GPC6: variants seen among roughly 807,000 people sequenced by gnomAD.
The protein encoded by GPC6 is glypican-6.
In GPC6, 14 loss-of-function variants were observed where a neutral mutation model predicts 55.2. That is an observed-to-expected ratio of 0.25 (90% confidence interval 0.17 to 0.40). GPC6 has a LOEUF of 0.40. GPC6 is among the 10% of genes least tolerant of loss of function. The pLI is 1.00. For missense variants in GPC6, 641 were observed against 708.5 expected (o/e 0.90, Z 1.08); for synonymous variants, 278 against 259.6 (o/e 1.07, Z -0.68).
At chr13:93,986,432 A>G (rs985223606) in intron 3 of GPC6, among the ~76,000 whole-genome samples, 2 of 152,324 alleles carry the variant, frequency 1.3e-5, no homozygotes, top group Middle Eastern at 3.4e-3. Flanking sequence ...AAGCAGGGTC[A>G]ATGCAACCCT....
At chr13:94,048,646 G>A (rs551614697) in intron 4 of GPC6, among the ~76,000 whole-genome samples, 14 of 152,016 alleles carry the variant, frequency 9.2e-5, no homozygotes, top group South Asian at 2.1e-4. Context: ...TCCTACATTC[G>A]GGGACCTCAG....
At chr13:93,876,155 A>T (rs1369594058) in intron 3 of GPC6, among the ~76,000 whole-genome samples, 2 of 151,902 alleles carry the variant, frequency 1.3e-5, no homozygotes, top group Non-Finnish European at 2.9e-5. Flanking sequence ...TCTAAAAAGC[A>T]CCTATTTGCA....
intron 4 of GPC6, among the ~76,000 whole-genome samples, chr13:94,270,809 A>G (rs76848317): frequency 0.013 from 1,963 of 152,204 alleles, 32 homozygotes; most frequent in African/African-American, 0.045. Flanking sequence ...CTACTTTTCC[A>G]TGGGAAGTTC....
chr13:94,256,149 T>A (rs1321248718), intron 4 of GPC6, among the ~76,000 whole-genome samples: 2 of 152,178 alleles, frequency 1.3e-5, no homozygotes, highest in Non-Finnish European at 2.9e-5. Context: ...GGATTTTGGA[T>A]CTCAGACATA....
chr13:94,077,285 T>G (rs114668685), intron 4 of GPC6, among the ~76,000 whole-genome samples: 1 of 151,886 alleles, frequency 6.6e-6, no homozygotes, highest in South Asian at 2.1e-4. Flanking sequence ...GATAGCTCAT[T>G]GTTAATGTAT....
chr13:93,655,116 T>G (rs936992801), intron 2 of GPC6, among the ~76,000 whole-genome samples: 1 of 150,704 alleles, frequency 6.6e-6, no homozygotes, highest in Non-Finnish European at 1.5e-5. Flanking sequence ...CCTAAAGTGC[T>G]GGGATTACAA....
intron 8 of GPC6, 76 bp downstream of exon 8, chr13:94,398,717 C>A: frequency 1.7e-6 from 2 of 1,184,520 alleles, no homozygotes; most frequent in Non-Finnish European, 2.5e-6. Flanking sequence ...TGACTTTCTT[C>A]AAGAGCAATA....
intron 3 of GPC6, among the ~76,000 whole-genome samples, chr13:93,971,924 G>A (rs1880298300): frequency 6.6e-6 from 1 of 152,172 alleles, no homozygotes; most frequent in Non-Finnish European, 1.5e-5. Flanking sequence ...ACAAAGCTAG[G>A]CTCACGCTGG....
intron 4 of GPC6, among the ~76,000 whole-genome samples, chr13:94,104,510 G>A (rs7317015): frequency 0.11 from 16,831 of 152,134 alleles, 1,055 homozygotes; most frequent in South Asian, 0.19. Context: ...TATCAATTAG[G>A]AAAAGAGGAA....
intron 2 of GPC6, among the ~76,000 whole-genome samples, chr13:93,813,372 C>G (rs1886755751): frequency 1.3e-5 from 2 of 152,082 alleles, no homozygotes; most frequent in African/African-American, 4.8e-5. Flanking sequence ...GAGCCGAGAT[C>G]ATGCCACTGT....
intron 1 of GPC6, among the ~76,000 whole-genome samples, chr13:93,248,708 C>CCA (rs1876688352): frequency 6.6e-6 from 1 of 152,122 alleles, no homozygotes; most frequent in African/African-American, 2.4e-5. Context: ...CTGGAAGGTG[C>CCA]CACGGATGCC....
intron 4 of GPC6, among the ~76,000 whole-genome samples, chr13:94,254,792 A>G (rs144144333): frequency 8.5e-5 from 13 of 152,302 alleles, no homozygotes. Flanking sequence ...TATGTAATAT[A>G]TTAAATATGG....
chr13:94,402,519 G>A (rs1881185995), intron 8 of GPC6, among the ~76,000 whole-genome samples: 1 of 152,124 alleles, frequency 6.6e-6, no homozygotes, highest in Admixed American at 6.5e-5. Flanking sequence ...GGTAGGGTGG[G>A]GGACCATGGA....
chr13:94,394,543 T>C (rs1260743834), intron 7 of GPC6, among the ~76,000 whole-genome samples: 1 of 152,136 alleles, frequency 6.6e-6, no homozygotes, highest in African/African-American at 2.4e-5. Flanking sequence ...ACAGGAGTGT[T>C]ATGTAAAGAA....
intron 3 of GPC6, among the ~76,000 whole-genome samples, chr13:94,000,090 C>T (rs778354253): frequency 2.6e-5 from 4 of 152,084 alleles, no homozygotes; most frequent in Non-Finnish European, 5.9e-5. Context: ...TGTGTCTGTG[C>T]TTTTCCTTGT....
chr13:94,067,758 T>G (rs574214902), intron 4 of GPC6, among the ~76,000 whole-genome samples: 1 of 152,280 alleles, frequency 6.6e-6, no homozygotes, highest in South Asian at 2.1e-4. Flanking sequence ...AGAGTATGTT[T>G]ATATGTTTGC....
At position 93,978,602 on chromosome 13, in the gene GPC6, T is replaced by C. The variant is rs146961772; in HGVS notation, c.712-49127T>C. 4.2e-3 allele frequency among the ~76,000 whole-genome samples: 646 copies of C among 152,246 alleles called. 3 individuals are homozygous for C. The highest frequency in any genetic ancestry group is 7.3e-3 in the Non-Finnish European group (494 of 68,002). On this transcript the variant is annotated intron_variant, in intron 3 of 8. Transcript: ENST00000377047. ...ACATATACACATATATACATACATA[T>C]TGTGTTTCTTCTTCTTAGTCAATTT...
intron 2 of GPC6, among the ~76,000 whole-genome samples, chr13:93,587,007 T>C (rs1384396752): frequency 6.6e-6 from 1 of 152,178 alleles, no homozygotes; most frequent in Non-Finnish European, 1.5e-5. Flanking sequence ...ATCAGTCTCA[T>C]AGTCTAAGGA....
At chr13:93,266,038 T>C (rs948298482) in intron 1 of GPC6, among the ~76,000 whole-genome samples, 11 of 152,196 alleles carry the variant, frequency 7.2e-5, no homozygotes, top group African/African-American at 2.7e-4. Context: ...GTTACCAGCC[T>C]ACCACTGTAC....
Sources: allele counts gnomAD v4.1 joint callset (sites outside exome capture counted in the v4.1 genomes callset), GRCh38; gene constraint gnomAD v4.1.1; transcripts MANE v1.5; gene names NCBI Gene and HGNC (gene_info 2026-07-23, HGNC 2026-07-21).